DTX3L: variants seen among roughly 807,000 people sequenced by gnomAD.
DTX3L encodes deltex E3 ubiquitin ligase 3L, also known as E3 ubiquitin-protein ligase DTX3L.
In DTX3L, 34 loss-of-function variants were observed where a neutral mutation model predicts 60.9. The observed-to-expected ratio is 0.56, with a 90% CI of 0.42 to 0.74. The LOEUF (loss-of-function observed/expected upper bound fraction) is 0.74, where lower values mean the gene tolerates loss of function less well. Ranked by LOEUF, DTX3L falls within the 30% of genes least tolerant of loss-of-function variation. The pLI is 0.00. For synonymous variants in DTX3L, 290 were observed against 316.6 expected (o/e 0.92, Z 0.89); for missense variants, 810 against 874.0 (o/e 0.93, Z 0.92).
At chr3:122,570,853 C>T (rs1405964905) in intron 4 of DTX3L, among the ~76,000 whole-genome samples, 181 bp downstream of exon 4, 1 of 152,136 alleles carries the variant, frequency 6.6e-6, no homozygotes, top group Admixed American at 6.5e-5. Context: ...TCTACCCTGC[C>T]AGCTATAAAG....
chr3:122,569,977 T>C lies in DTX3L; in HGVS notation c.1888T>C (p.Phe630Leu), dbSNP rs1352330050. The change falls in exon 3 of 5, where the codon TTT becomes CTT. Residue 630 changes from phenylalanine (F) to leucine (L), a missense_variant. Phe to Leu is a conservative substitution (Grantham distance 22, BLOSUM62 0). Coordinates refer to ENST00000296161, the MANE Select transcript of DTX3L (RefSeq NM_138287.3). ...SRDSLPGYES[F>L]GTIVITYSMK... ...AGACTCACTTCCAGGTTATGAGTCCTTTGGCACCATTGTGATTACTTATTC... is the reference window on the plus strand; with the variant it reads ...AGACTCACTTCCAGGTTATGAGTCCCTTGGCACCATTGTGATTACTTATTC... The C allele has an allele frequency of 6.2e-7, 1 of 1,613,984 alleles. No individual in the cohort carries two copies. The highest frequency in any genetic ancestry group is 8.5e-7 in the Non-Finnish European group (1 of 1,180,034).
chr3:122,564,564 G>A lies in DTX3L; in HGVS notation c.138G>A (p.Gln46=), dbSNP rs1422923732. 2.5e-6 allele frequency: 4 copies of A among 1,607,000 alleles called. No individual in the cohort carries two copies. The East Asian group carries it at 6.8e-5, about 27-fold the overall frequency. The change falls in exon 1 of 5, where the codon CAG becomes CAA. Residue 46 remains glutamine, a synonymous_variant. Coordinates refer to ENST00000296161, the MANE Select transcript of DTX3L (RefSeq NM_138287.3). ...GCGGGGAGTGCACGGTCAGCACCCA[G>A]GAACACGAAGCCCCGGGCACCTTCC... ...SGGGECTVST[Q]EHEAPGTFRV...
At position 122,569,418 on chromosome 3, in the gene DTX3L, T is replaced by C. The variant is rs773238259; in HGVS notation, c.1329T>C (p.His443=). 4 of 1,614,184 alleles carry C rather than the reference T, an allele frequency of 2.5e-6. 1 individual carries two copies. Among genetic ancestry groups the C allele is most frequent in the Non-Finnish European group, 3.4e-6 (4 of 1,180,028 alleles). ...CAAGTTTCATCGATGCCTTTCAACA[T>C]GCCTCATGTCAGTTGATGAGAGAAG... ...AYASFIDAFQ[H]ASCQLMREVL... The change falls in exon 3 of 5, where the codon CAT becomes CAC. Residue 443 remains histidine (H), a synonymous_variant. Coordinates refer to ENST00000296161, the MANE Select transcript of DTX3L (RefSeq NM_138287.3).
Position 122,570,485 on chromosome 3 carries a change from C to G in DTX3L, c.1966C>G (p.Pro656Ala), listed in dbSNP as rs756351060. ...EEHPNPGKRY[P>A]GIQRTAYLPD... is the part of the protein sequence containing the mutation. ...ACACCCAAACCCAGGAAAGAGATAC[C>G]CTGGAATACAGCGAACTGCATACTT... Residue 656 changes from proline to alanine, a missense_variant, in exon 4 of 5, where the codon CCT becomes GCT. Coordinates refer to ENST00000296161, the MANE Select transcript of DTX3L (RefSeq NM_138287.3). 6.2e-7 allele frequency: 1 copy of G among 1,614,042 alleles called. No homozygotes were observed. Among genetic ancestry groups the G allele is most frequent in the Non-Finnish European group, 8.5e-7 (1 of 1,180,000 alleles).
intron 1 of DTX3L, among the ~76,000 whole-genome samples, 156 bp from the exon 2 acceptor site, chr3:122,565,703 C>T (rs1048136442): frequency 6.6e-6 from 1 of 151,990 alleles, no homozygotes; most frequent in Admixed American, 6.6e-5. Context: ...AATAGCTCCC[C>T]GACTTTCTCC....
Position 122,569,280 on chromosome 3 carries a change from A to C in DTX3L, c.1191A>C (p.Ser397=). The change falls in exon 3 of 5, where the codon TCA becomes TCC. Residue 397 remains serine, a synonymous_variant. Transcript: ENST00000296161. ...AAACTGAATTACTACAGGAGATATC[A>C]GAGATCGAAAAAAGGTATGACATTT... ...LLETELLQEI[S]EIEKRYDICS... is the part of the protein sequence containing the mutation. 1 of 1,614,228 alleles carries C rather than the reference A, an allele frequency of 6.2e-7. No individual in the cohort carries two copies. Among genetic ancestry groups the C allele is most frequent in the Non-Finnish European group, 8.5e-7 (1 of 1,180,046 alleles).
chr3:122,568,812 T>G lies in DTX3L; in HGVS notation c.723T>G (p.Pro241=). 1 of 1,614,102 alleles carries G rather than the reference T, an allele frequency of 6.2e-7. No homozygotes were observed. Among genetic ancestry groups the G allele is most frequent in the Non-Finnish European group, 8.5e-7 (1 of 1,180,038 alleles). ...QKSNYFEVPL[P]YFEYFKYICP... ...GCAACTATTTTGAAGTTCCCTTGCCTTACTTTGAATACTTTAAATATATCT... is the reference window on the plus strand; with the variant it reads ...GCAACTATTTTGAAGTTCCCTTGCCGTACTTTGAATACTTTAAATATATCT... Residue 241 remains proline (P), a synonymous_variant, in exon 3 of 5, where the codon CCT becomes CCG. Coordinates refer to ENST00000296161, the MANE Select transcript of DTX3L (RefSeq NM_138287.3).
At chr3:122,570,370 T>G in intron 3 of DTX3L, 85 bp from the exon 4 acceptor site, 1 of 1,345,548 alleles carries the variant, frequency 7.4e-7, no homozygotes. Context: ...TTGATTTGCT[T>G]TATCTACAAA....
At chr3:122,570,212 T>C (rs2080635257) in intron 3 of DTX3L, 188 bp downstream of exon 3, 1 of 764,404 alleles carries the variant, frequency 1.3e-6, no homozygotes, top group African/African-American at 1.8e-5. Flanking sequence ...TTGTGTCTAT[T>C]TCTTAAGACA....
intron 2 of DTX3L, among the ~76,000 whole-genome samples, chr3:122,567,903 C>T (rs2080602275): frequency 6.6e-6 from 1 of 152,216 alleles, no homozygotes; most frequent in African/African-American, 2.4e-5. Flanking sequence ...ACATCAGAAT[C>T]TCTGGGGATG....
Position 122,564,441 on chromosome 3 carries a change from G to A in DTX3L, c.15G>A (p.Leu5=). 1 of 1,610,602 alleles carries A rather than the reference G, an allele frequency of 6.2e-7. No homozygotes were observed. The highest frequency in any genetic ancestry group is 8.5e-7 in the Non-Finnish European group (1 of 1,178,826). The part of the protein sequence containing the change: MASH[L]RPPSPLLVRV... ...CGCGCAGAGCCATGGCCTCCCACCT[G>A]CGCCCGCCGTCCCCGCTCCTCGTGC... Residue 5 remains leucine, a synonymous_variant, in exon 1 of 5, where the codon CTG becomes CTA. Transcript: ENST00000296161.
chr3:122,565,675 G>A (rs546293489), intron 1 of DTX3L, among the ~76,000 whole-genome samples, 184 bp from the exon 2 acceptor site: 225 of 152,108 alleles, frequency 1.5e-3, no homozygotes, highest in Admixed American at 3.1e-3. Flanking sequence ...AACTTAATCC[G>A]CACACTTTAG....
intron 2 of DTX3L, among the ~76,000 whole-genome samples, chr3:122,567,896 T>C (rs962453262): frequency 4.6e-5 from 7 of 152,186 alleles, no homozygotes; most frequent in Admixed American, 3.9e-4. Flanking sequence ...TTAGTTAACA[T>C]CAGAATCTCT....
Position 122,570,617 on chromosome 3 carries a change from G to A in DTX3L, c.2098G>A (p.Val700Ile). ...CTCTCGCGTATTAGGAGTCTCAGAT[G>A]TCATCACTTGGAATGATATTCACCA... is the stretch of plus-strand genomic sequence containing the variant. ...GYSRVLGVSD[V>I]ITWNDIHHKT... Residue 700 changes from valine (V) to isoleucine (I), a missense_variant, in exon 4 of 5, where the codon GTC (valine) becomes ATC (isoleucine). Physicochemically the swap from Val to Ile is conservative, Grantham distance 29 (BLOSUM62 3). Coordinates refer to ENST00000296161, the MANE Select transcript of DTX3L (RefSeq NM_138287.3). The A allele has an allele frequency of 6.2e-7, 1 of 1,614,204 alleles. No individual in the cohort carries two copies. The highest frequency in any genetic ancestry group is 8.5e-7 in the Non-Finnish European group (1 of 1,180,028).
chr3:122,565,462 C>T (rs1021022637), intron 1 of DTX3L, among the ~76,000 whole-genome samples: 5 of 131,742 alleles, frequency 3.8e-5, no homozygotes, highest in Non-Finnish European at 6.1e-5. Context: ...TGCAGTGAGA[C>T]GAGGTCCTAC....
intron 3 of DTX3L, 37 bp downstream of exon 3, chr3:122,570,061 AT>A (rs1468662475): frequency 6.3e-6 from 10 of 1,599,452 alleles, no homozygotes; most frequent in Non-Finnish European, 8.5e-6. Context: ...TCTTGCCACT[AT>A]GCTACGATTA....
In DTX3L at chr3:122,569,380, G is replaced by A. The variant is rs779708002; in HGVS notation, c.1291G>A (p.Val431Met). 6.2e-7 allele frequency: 1 copy of A among 1,614,174 alleles called. No homozygotes were observed. Residue 431 changes from valine (V) to methionine (M), a missense_variant, in exon 3 of 5, where the codon GTG (valine) becomes ATG (methionine). By Grantham distance (21) the Val-to-Met change is conservative. Transcript: ENST00000296161. Reference sequence around the variant, plus strand: ...CAAGGACAGGCAGGTAGATCTATCTGTGCATGCTTATGCAAGTTTCATCGA... The same window carrying A: ...CAAGGACAGGCAGGTAGATCTATCTATGCATGCTTATGCAAGTTTCATCGA... ...ESKDRQVDLS[V>M]HAYASFIDAF...
rs781112315 is a variant in DTX3L, at chr3:122,564,581, G to C, written c.155G>C (p.Gly52Ala). The C allele has an allele frequency of 6.2e-7, 1 of 1,602,522 alleles. No individual in the cohort carries two copies. The highest frequency in any genetic ancestry group is 1.1e-5 in the South Asian group (1 of 90,538). The part of the protein sequence containing the change: ...TVSTQEHEAP[G>A]TFRVEFSERA... ...AGCACCCAGGAACACGAAGCCCCGGGCACCTTCCGGGTGGAGTTCAGTGAA... is the reference window on the plus strand; with the variant it reads ...AGCACCCAGGAACACGAAGCCCCGGCCACCTTCCGGGTGGAGTTCAGTGAA... Residue 52 changes from glycine to alanine, a missense_variant, in exon 1 of 5, where the codon GGC becomes GCC. Gly to Ala is a moderately conservative substitution (Grantham distance 60). Transcript: ENST00000296161.
chr3:122,564,347 C>T lies in DTX3L; in HGVS notation c.-80C>T. 1 of 1,458,606 alleles carries T rather than the reference C, an allele frequency of 6.9e-7. No individual in the cohort carries two copies. Among genetic ancestry groups the T allele is most frequent in the South Asian group, 1.3e-5 (1 of 75,176 alleles). 90.4% of individuals were successfully genotyped at this position (1,458,606 alleles called of 1,614,324 possible). On this transcript the variant is annotated 5_prime_UTR_variant, in exon 1 of 5. Coordinates refer to ENST00000296161, the MANE Select transcript of DTX3L (RefSeq NM_138287.3). Reference sequence around the variant, plus strand: ...CCAGGGAAGCGAAACTGAAACTTTGCGCCCAGTCCGCAGGGCGGGCCGCGC... The same window carrying T: ...CCAGGGAAGCGAAACTGAAACTTTGTGCCCAGTCCGCAGGGCGGGCCGCGC...
Sources: allele counts gnomAD v4.1 joint callset (sites outside exome capture counted in the v4.1 genomes callset), GRCh38; gene constraint gnomAD v4.1.1; transcripts MANE v1.5; gene names NCBI Gene and HGNC (gene_info 2026-07-23, HGNC 2026-07-21).